The following CAMK1D variants were observed in gnomAD, a reference collection of about 807,000 sequenced individuals.
CAMK1D encodes the protein calcium/calmodulin dependent protein kinase ID.
CAMK1D carries 9 observed loss-of-function variants against 47.7 expected under a neutral mutation model. That is an observed-to-expected ratio of 0.19 (90% CI 0.11 to 0.33). The LOEUF (loss-of-function observed/expected upper bound fraction) is 0.33. Ranked by LOEUF, CAMK1D falls within the 10% of genes least tolerant of loss-of-function variation. The pLI is 1.00. For missense variants in CAMK1D, 291 were observed against 488.7 expected (o/e 0.60, Z 3.81); for synonymous variants, 184 against 184.9 (o/e 0.99, Z 0.04).
intron 2 of CAMK1D, among the ~76,000 whole-genome samples, chr10:12,632,561 C>G (rs1045924804): frequency 6.6e-6 from 1 of 152,182 alleles, no homozygotes; most frequent in African/African-American, 2.4e-5. Flanking sequence ...ATATTTGAAC[C>G]TTACAGAAGC....
chr10:12,497,774 G>A lies in CAMK1D; in HGVS notation c.93-55451G>A, dbSNP rs968739282. Among the ~76,000 whole-genome samples the A allele has an allele frequency of 4.6e-5, 7 of 152,204 alleles. 1 individual carries two copies. The South Asian group carries it at 1.0e-3, about 22-fold the overall frequency. On this transcript the variant is annotated intron_variant, in intron 1 of 10. Coordinates refer to ENST00000619168, the MANE Select transcript of CAMK1D (RefSeq NM_153498.4). ...TTAGATTGGAAAGTCCAGAGGCTGA[G>A]GACAGTAGATGAAGGATGTTGCAGG...
At chr10:12,805,532 G>A (rs1049665020) in intron 6 of CAMK1D, among the ~76,000 whole-genome samples, 7 of 151,802 alleles carry the variant, frequency 4.6e-5, no homozygotes, top group Non-Finnish European at 5.9e-5. Context: ...CACCATGCTC[G>A]GCTAATTTTA....
intron 1 of CAMK1D, among the ~76,000 whole-genome samples, chr10:12,468,682 C>T (rs895016117): frequency 2.6e-5 from 4 of 152,170 alleles, no homozygotes; most frequent in African/African-American, 9.7e-5. Context: ...CTATAACCCC[C>T]CATGACCCTG....
chr10:12,496,896 C>T (rs2132131602), intron 1 of CAMK1D, among the ~76,000 whole-genome samples: 1 of 152,246 alleles, frequency 6.6e-6, no homozygotes, highest in Middle Eastern at 3.4e-3. Context: ...CCCCCACAGC[C>T]ACCTCCCAAC....
intron 6 of CAMK1D, among the ~76,000 whole-genome samples, chr10:12,812,381 C>T (rs1442569490): frequency 3.3e-5 from 5 of 152,058 alleles, no homozygotes; most frequent in Admixed American, 2.6e-4. Context: ...TTTGGGAGGC[C>T]GAGGAGGGTG....
intron 1 of CAMK1D, among the ~76,000 whole-genome samples, chr10:12,379,702 G>C (rs191509900): frequency 6.6e-6 from 1 of 151,922 alleles, no homozygotes; most frequent in Non-Finnish European, 1.5e-5. Flanking sequence ...GCAGTGAGCC[G>C]AGATCGTGCC....
At chr10:12,801,338 T>TA (rs1396255738) in intron 6 of CAMK1D, among the ~76,000 whole-genome samples, 1 of 106,202 alleles carries the variant, frequency 9.4e-6, no homozygotes, top group Non-Finnish European at 1.9e-5. Context: ...TCTATCTATC[T>TA]ATCTATCTAT....
At chr10:12,802,235 T>C (rs965767696) in intron 6 of CAMK1D, among the ~76,000 whole-genome samples, 6 of 152,236 alleles carry the variant, frequency 3.9e-5, no homozygotes, top group South Asian at 2.1e-4. Flanking sequence ...GAGGCACTCC[T>C]GTCCCCTGGC....
In CAMK1D at chr10:12,791,274, C is replaced by A. The variant is rs769854187; in HGVS notation, c.641+41C>A. 2.5e-6 allele frequency: 4 copies of A among 1,579,550 alleles called. No homozygotes were observed. The African/African-American group carries it at 4.1e-5, about 16-fold the overall frequency. ...TGCCTTGGGTTCTTCCTCTACCGGC[C>A]TTTTTTTGTTTGGTGAAATATACAT... On this transcript the variant is annotated intron_variant, in intron 6 of 10. Coordinates refer to ENST00000619168, the MANE Select transcript of CAMK1D (RefSeq NM_153498.4).
chr10:12,665,131 G>C (rs1441586818), intron 2 of CAMK1D, among the ~76,000 whole-genome samples: 3 of 152,144 alleles, frequency 2.0e-5, no homozygotes, highest in Non-Finnish European at 2.9e-5. Context: ...AGACCACGTA[G>C]AAACTATGGC....
intron 2 of CAMK1D, among the ~76,000 whole-genome samples, chr10:12,617,913 G>A (rs549554795): frequency 1.3e-5 from 2 of 152,268 alleles, no homozygotes; most frequent in East Asian, 3.9e-4. Flanking sequence ...TTATTAAATA[G>A]CCAAACAATT....
chr10:12,800,707 G>A (rs547484356), intron 6 of CAMK1D, among the ~76,000 whole-genome samples: 1 of 152,300 alleles, frequency 6.6e-6, no homozygotes, highest in Admixed American at 6.5e-5. Flanking sequence ...ATGCCTTTGA[G>A]CAGGCGTTCT....
At chr10:12,812,209 T>C (rs1027883048) in intron 6 of CAMK1D, among the ~76,000 whole-genome samples, 3 of 152,256 alleles carry the variant, frequency 2.0e-5, no homozygotes, top group Non-Finnish European at 4.4e-5. Flanking sequence ...CTCGCAGTCC[T>C]GCGCTCTGTT....
At chr10:12,425,365 TC>T (rs1186134374) in intron 1 of CAMK1D, among the ~76,000 whole-genome samples, 1 of 151,766 alleles carries the variant, frequency 6.6e-6, no homozygotes, top group Non-Finnish European at 1.5e-5. Flanking sequence ...CACTGCAACT[TC>T]TGGCGTCTAG....
intron 2 of CAMK1D, among the ~76,000 whole-genome samples, chr10:12,650,736 C>T (rs1458416574): frequency 1.3e-5 from 2 of 152,228 alleles, no homozygotes; most frequent in Non-Finnish European, 2.9e-5. Flanking sequence ...TTGTGATGTC[C>T]TAACGGCTGT....
At chr10:12,693,126 G>A (rs777348033) in intron 3 of CAMK1D, among the ~76,000 whole-genome samples, 2 of 152,114 alleles carry the variant, frequency 1.3e-5, no homozygotes, top group Non-Finnish European at 2.9e-5. Flanking sequence ...CACTTTGGGA[G>A]GCCAAGGCGG....
At chr10:12,376,238 G>A (rs1838178000) in intron 1 of CAMK1D, among the ~76,000 whole-genome samples, 1 of 151,256 alleles carries the variant, frequency 6.6e-6, no homozygotes, top group South Asian at 2.1e-4. Flanking sequence ...CTTGGCATCA[G>A]GTACTTCCTT....
At chr10:12,720,995 A>T (rs184530104) in intron 3 of CAMK1D, among the ~76,000 whole-genome samples, 1 of 152,236 alleles carries the variant, frequency 6.6e-6, no homozygotes, top group South Asian at 2.1e-4. Context: ...GTGTGAGATG[A>T]TATAAATAGG....
At position 12,613,252 on chromosome 10, in the gene CAMK1D, A is replaced by G. The variant is rs183550557; in HGVS notation, c.225-53484A>G. On this transcript the variant is annotated intron_variant, in intron 2 of 10. Transcript: ENST00000619168. The stretch of plus-strand genomic sequence containing the variant: ...CATATCCAGAATTTCCACCTTCTAA[A>G]TTGGCACCTAAGCGTGATAGATGGC... Among the ~76,000 whole-genome samples the G allele has an allele frequency of 2.5e-3, 380 of 152,342 alleles. 2 individuals carry two copies. The highest frequency in any genetic ancestry group is 4.7e-3 in the Non-Finnish European group (323 of 68,030).
Sources: allele counts gnomAD v4.1 joint callset (sites outside exome capture counted in the v4.1 genomes callset), GRCh38; gene constraint gnomAD v4.1.1; transcripts MANE v1.5; gene names NCBI Gene and HGNC (gene_info 2026-07-23, HGNC 2026-07-21).